The following ATP2B4 variants were observed in gnomAD, a reference collection of about 807,000 sequenced individuals.
ATP2B4 encodes plasma membrane calcium-transporting ATPase 4.
A neutral mutation model predicts 110.3 loss-of-function variants in ATP2B4; 39 were observed. The ratio of observed to expected loss-of-function variants is 0.35; its 90% CI spans 0.27 to 0.46. ATP2B4 has a LOEUF of 0.46. ATP2B4 is among the 20% of genes least tolerant of loss of function. The pLI is 1.00. For missense variants in ATP2B4, 1,135 were observed against 1,530.9 expected (o/e 0.74, Z 4.32); for synonymous variants, 538 against 571.7 (o/e 0.94, Z 0.84).
Position 203,707,920 on chromosome 1 carries a change from A to T in ATP2B4, c.1373A>T (p.Asn458Ile), listed in dbSNP as rs750007955. ...RHLDACETMG[N>I]ATAICSDKTG... ...TTGGATGCTTGTGAGACCATGGGCA[A>T]CGCCACCGCCATCTGCTCTGATAAG... Residue 458 changes from asparagine (N) to isoleucine (I), a missense_variant, in exon 10 of 21, where the codon AAC becomes ATC. By Grantham distance (149) the Asn-to-Ile change is moderately radical. Around this residue, in one of 9 missense-constraint regions of ATP2B4, gnomAD observed 368 missense variants for 455.9 expected, o/e 0.81. Transcript: ENST00000357681. 6.2e-7 allele frequency: 1 copy of T among 1,614,210 alleles called. No homozygotes were observed. Among genetic ancestry groups the T allele is most frequent in the Non-Finnish European group, 8.5e-7 (1 of 1,180,034 alleles).
At chr1:203,704,241 A>G (rs1473213200) in intron 8 of ATP2B4, among the ~76,000 whole-genome samples, 1 of 152,158 alleles carries the variant, frequency 6.6e-6, no homozygotes, top group Non-Finnish European at 1.5e-5. Context: ...AGAGCAATAA[A>G]TACCAAGTAA....
rs114116381 is a variant in ATP2B4 at position 203,681,492 on chromosome 1, C to T, written c.-464-1250C>T. Among the ~76,000 whole-genome samples, 221 of 152,094 alleles carry T rather than the reference C, an allele frequency of 1.5e-3. 2 individuals are homozygous for T. The highest frequency in any genetic ancestry group is 5.0e-3 in the African/African-American group (208 of 41,510). On this transcript the variant is annotated intron_variant, in intron 1 of 20. Transcript: ENST00000357681. ...AAGTCGTCAGTGGGGACTACGTAACCGGGGCTGGGGTCCCATGTTCTGGTG... is the reference window on the plus strand; with the variant it reads ...AAGTCGTCAGTGGGGACTACGTAACTGGGGCTGGGGTCCCATGTTCTGGTG...
chr1:203,703,579 T>A (rs1665757762), intron 7 of ATP2B4, 73 bp from the exon 8 acceptor site: 1 of 1,529,088 alleles, frequency 6.5e-7, no homozygotes, highest in Non-Finnish European at 8.9e-7. Context: ...GAAGGTTTTC[T>A]GGTTTCCACC....
chr1:203,734,751 T>C (rs923701629), intron 20 of ATP2B4, among the ~76,000 whole-genome samples: 4 of 147,752 alleles, frequency 2.7e-5, no homozygotes, highest in Admixed American at 6.7e-5. Context: ...ACGCCTATAA[T>C]CCCAGCACTC....
chr1:203,675,772 A>G (rs997916882), intron 1 of ATP2B4, among the ~76,000 whole-genome samples: 15 of 142,554 alleles, frequency 1.1e-4, no homozygotes, highest in Non-Finnish European at 1.5e-4. Context: ...ATCTTCAGAA[A>G]GAGAGAACTG....
At chr1:203,704,912 G>C (rs1665806444) in intron 8 of ATP2B4, among the ~76,000 whole-genome samples, 1 of 151,972 alleles carries the variant, frequency 6.6e-6, no homozygotes, top group South Asian at 2.1e-4. Flanking sequence ...TGTAGATTCA[G>C]TTCAGGGGGT....
At chr1:203,697,635 G>A (rs1335746443) in intron 2 of ATP2B4, among the ~76,000 whole-genome samples, 1 of 152,180 alleles carries the variant, frequency 6.6e-6, no homozygotes, top group Admixed American at 6.5e-5. Flanking sequence ...TAAGTCCTGG[G>A]CAGATTAGGA....
chr1:203,628,146 C>T (rs1417517245), intron 1 of ATP2B4, among the ~76,000 whole-genome samples: 1 of 152,202 alleles, frequency 6.6e-6, no homozygotes, highest in East Asian at 1.9e-4. Context: ...CGTCTCGGGC[C>T]ACTGCCTTGG....
intron 20 of ATP2B4, 50 bp from the exon 21 acceptor site, chr1:203,739,496 A>G (rs1339952153): frequency 1.3e-6 from 2 of 1,555,710 alleles, no homozygotes; most frequent in Non-Finnish European, 1.7e-6. Context: ...TCTGCCGGCC[A>G]ATTCTCACCT....
At chr1:203,679,657 G>T (rs764941280) in intron 1 of ATP2B4, among the ~76,000 whole-genome samples, 22 of 152,120 alleles carry the variant, frequency 1.4e-4, no homozygotes, top group Middle Eastern at 3.4e-3. Context: ...GGCCGAGGGG[G>T]GTGGATCACA....
At chr1:203,674,204 C>T (rs1664759524) in intron 1 of ATP2B4, among the ~76,000 whole-genome samples, 1 of 152,152 alleles carries the variant, frequency 6.6e-6, no homozygotes. Context: ...GCCAGTACCC[C>T]TTTTGTTAAA....
Position 203,741,541 on chromosome 1 carries a change from G to C in ATP2B4, c.*1687G>C, listed in dbSNP as rs1666997026. The C allele has an allele frequency of 6.6e-6, 1 of 152,270 alleles. No homozygotes were observed. Among genetic ancestry groups the C allele is most frequent in the Non-Finnish European group, 1.5e-5 (1 of 68,044 alleles). 9.4% of individuals were successfully genotyped at this position (152,270 alleles called of 1,614,324 possible). The stretch of plus-strand genomic sequence containing the variant: ...TAAATGAAGCCCACCCCCCTTTCTA[G>C]AGTGATGAGAGTCAAGAAGAGGGGA... On this transcript the variant is annotated 3_prime_UTR_variant, in exon 21 of 21. Transcript: ENST00000357681.
intron 20 of ATP2B4, among the ~76,000 whole-genome samples, chr1:203,738,328 A>G (rs968390158): frequency 6.6e-6 from 1 of 152,238 alleles, no homozygotes; most frequent in Non-Finnish European, 1.5e-5. Context: ...GCCACGCCTC[A>G]GAGAGACCTG....
intron 20 of ATP2B4, among the ~76,000 whole-genome samples, chr1:203,731,674 A>T (rs565185354): frequency 6.6e-6 from 1 of 151,620 alleles, no homozygotes; most frequent in Non-Finnish European, 1.5e-5. Flanking sequence ...GCATGGTGAA[A>T]CTCTGTCTCT....
intron 1 of ATP2B4, among the ~76,000 whole-genome samples, chr1:203,631,105 A>G (rs1180075834): frequency 6.6e-6 from 1 of 152,218 alleles, no homozygotes; most frequent in African/African-American, 2.4e-5. Context: ...TGAGTTGAGG[A>G]GGGAAACCAG....
chr1:203,737,892 G>C (rs2102242317), intron 20 of ATP2B4, among the ~76,000 whole-genome samples: 1 of 152,278 alleles, frequency 6.6e-6, no homozygotes, highest in South Asian at 2.1e-4. Context: ...TTCTCCTCCA[G>C]AGAAAACGGA....
Position 203,709,388 on chromosome 1 carries a change from G to T in ATP2B4, c.1645G>T (p.Asp549Tyr). The T allele has an allele frequency of 6.2e-7, 1 of 1,614,198 alleles. No individual in the cohort carries two copies. Among genetic ancestry groups the T allele is most frequent in the South Asian group, 1.1e-5 (1 of 91,088 alleles). Residue 549 changes from aspartate (D) to tyrosine (Y), a missense_variant, in exon 11 of 21, where the codon GAT becomes TAT. This residue lies in a region of ATP2B4 where 368 missense variants were observed against 455.9 expected (regional missense o/e 0.81). Transcript: ENST00000357681. ...LLGFVTDLKQ[D>Y]YQAVRNEVPE... is the part of the protein sequence containing the mutation. ...AGGCTTTGTCACAGATCTGAAGCAGGATTATCAGGCTGTGCGTAATGAAGT... is the reference window on the plus strand; with the variant it reads ...AGGCTTTGTCACAGATCTGAAGCAGTATTATCAGGCTGTGCGTAATGAAGT...
chr1:203,730,412 A>G (rs1452594113), intron 20 of ATP2B4, among the ~76,000 whole-genome samples: 2 of 151,404 alleles, frequency 1.3e-5, no homozygotes, highest in East Asian at 1.9e-4. Context: ...CCCACCCCAC[A>G]CTCCAGGCTG....
chr1:203,730,832 A>C (rs1666683204), intron 20 of ATP2B4, among the ~76,000 whole-genome samples: 1 of 152,226 alleles, frequency 6.6e-6, no homozygotes. Context: ...TGCCACAGTG[A>C]CCAAATTCAC....
Sources: gnomAD v4.1 joint callset for allele counts (sites outside exome capture counted in the v4.1 genomes callset) on GRCh38, gnomAD v4.1.1 for gene constraint, gnomAD v4.1.1 regional missense constraint, MANE v1.5 for transcripts, NCBI Gene and HGNC (gene_info 2026-07-23, HGNC 2026-07-21) for gene names.